The following LRBA variants were observed in gnomAD, a reference collection of about 807,000 sequenced individuals.
LRBA encodes the protein LPS responsive beige-like anchor protein.
Under a neutral mutation model 330.0 loss-of-function variants are expected in LRBA, and 176 were observed. The observed-to-expected ratio is 0.53, with a 90% CI of 0.47 to 0.60. LRBA has a LOEUF of 0.60. LRBA is among the 20% of genes least tolerant of loss of function. The pLI is 0.00. For missense variants in LRBA, 3,259 were observed against 3,444.8 expected, an observed-to-expected ratio of 0.95 and a Z score of 1.35; for synonymous variants, 1,230 against 1,193.0, an observed-to-expected ratio of 1.03 and a Z score of -0.64.
At position 150,346,298 on chromosome 4, in the gene LRBA, A is replaced by G. The variant is rs1736291702; in HGVS notation, c.7362+3694T>C. On this transcript the variant is annotated intron_variant, in intron 48 of 56. Transcript: ENST00000651943. ...ATATATATTATATATAAGTCTATAT[A>G]ATGTATAATATAAAAACAAATTAAG... is the stretch of plus-strand genomic sequence containing the variant. 2.0e-5 allele frequency among the ~76,000 whole-genome samples: 3 copies of G among 151,626 alleles called. No homozygotes were observed. The East Asian group carries it at 5.8e-4, about 29-fold the overall frequency.
At chr4:150,433,474 A>C (rs1443073501) in intron 46 of LRBA, among the ~76,000 whole-genome samples, 3 of 152,180 alleles carry the variant, frequency 2.0e-5, no homozygotes, top group African/African-American at 4.8e-5. Flanking sequence ...GAAGATACCT[A>C]CTATTGCTAT....
At chr4:150,490,129 G>A (rs1016720535) in intron 41 of LRBA, among the ~76,000 whole-genome samples, 1 of 151,660 alleles carries the variant, frequency 6.6e-6, no homozygotes, top group Non-Finnish European at 1.5e-5. Flanking sequence ...GATCAAACAG[G>A]AAGGGAAAAA....
chr4:150,461,607 A>G (rs1191382334), intron 44 of LRBA, among the ~76,000 whole-genome samples: 1 of 151,826 alleles, frequency 6.6e-6, no homozygotes, highest in Non-Finnish European at 1.5e-5. Flanking sequence ...TACCACACAC[A>G]AAACACTTAG....
intron 51 of LRBA, among the ~76,000 whole-genome samples, chr4:150,312,717 CTG>C (rs1731220105): frequency 6.6e-6 from 1 of 152,092 alleles, no homozygotes; most frequent in Non-Finnish European, 1.5e-5. Flanking sequence ...TAATGATAGA[CTG>C]TTAAAATTAT....
At chr4:150,863,399 C>T (rs1752219332) in intron 22 of LRBA, among the ~76,000 whole-genome samples, 1 of 152,112 alleles carries the variant, frequency 6.6e-6, no homozygotes, top group South Asian at 2.1e-4. Context: ...CGGTGGCTCA[C>T]CCCTGTAATC....
At chr4:150,844,600 A>T in intron 27 of LRBA, 58 bp downstream of exon 27, 1 of 1,473,336 alleles carries the variant, frequency 6.8e-7, no homozygotes, top group Non-Finnish European at 9.2e-7. Context: ...AACAAATAAA[A>T]ATCTTAATTG....
At chr4:150,932,010 G>C (rs1734558785) in intron 2 of LRBA, among the ~76,000 whole-genome samples, 1 of 152,124 alleles carries the variant, frequency 6.6e-6, no homozygotes, top group Non-Finnish European at 1.5e-5. Flanking sequence ...AGGACTTCAA[G>C]GCTACAGTGA....
At chr4:150,991,255 A>G (rs1742051444) in intron 2 of LRBA, among the ~76,000 whole-genome samples, 1 of 152,196 alleles carries the variant, frequency 6.6e-6, no homozygotes, top group South Asian at 2.1e-4. Flanking sequence ...CATTACTGGT[A>G]GGAATGCAGC....
chr4:150,331,666 A>G (rs1325051097), intron 48 of LRBA, among the ~76,000 whole-genome samples: 2 of 152,200 alleles, frequency 1.3e-5, no homozygotes, highest in African/African-American at 4.8e-5. Context: ...AAAGTATCTT[A>G]CAATGACCAA....
chr4:150,592,143 G>GGTTTTTTTTTTTTT (rs1772932129), intron 38 of LRBA, among the ~76,000 whole-genome samples: 1 of 56,674 alleles, frequency 1.8e-5, no homozygotes, highest in African/African-American at 5.1e-5. Context: ...GGATGGCTAG[G>GGTTTTTTTTTTTTT]GTTTTTTTTT....
chr4:150,361,965 G>T (rs1738766206), intron 47 of LRBA, among the ~76,000 whole-genome samples: 1 of 151,922 alleles, frequency 6.6e-6, no homozygotes, highest in East Asian at 1.9e-4. Context: ...GTAGAGACGG[G>T]GTTTCACCAT....
chr4:150,493,520 T>C (rs934602977), intron 40 of LRBA, among the ~76,000 whole-genome samples: 1 of 152,184 alleles, frequency 6.6e-6, no homozygotes, highest in Non-Finnish European at 1.5e-5. Context: ...TTGAAAATAG[T>C]TGAGAAAACA....
Position 150,908,871 on chromosome 4 carries a change from A to G in LRBA, c.1162-14T>C. On this transcript the variant is annotated splice_polypyrimidine_tract_variant and intron_variant, in intron 9 of 56. Coordinates refer to ENST00000651943, the MANE Select transcript of LRBA (RefSeq NM_001364905.1). ...TTTAAATGTACCCTAAGAATTAATT[A>G]AAAACAGTTAAATAGTATGCCACAA... 6.4e-7 allele frequency: 1 copy of G among 1,563,198 alleles called. No individual in the cohort carries two copies. The highest frequency in any genetic ancestry group is 1.4e-5 in the African/African-American group (1 of 73,870).
chr4:150,861,099 A>C (rs956827168), intron 22 of LRBA, among the ~76,000 whole-genome samples: 1 of 152,088 alleles, frequency 6.6e-6, no homozygotes, highest in Non-Finnish European at 1.5e-5. Context: ...TTAATGTTTT[A>C]ATTTTTGTTT....
intron 29 of LRBA, among the ~76,000 whole-genome samples, chr4:150,829,036 G>A (rs1373977526): frequency 3.3e-5 from 5 of 151,616 alleles, no homozygotes; most frequent in Non-Finnish European, 7.4e-5. Context: ...CTGGGCTCAG[G>A]CGATCCTCCC....
chr4:150,611,120 T>C (rs984588918), intron 37 of LRBA, among the ~76,000 whole-genome samples: 1 of 152,142 alleles, frequency 6.6e-6, no homozygotes, highest in East Asian at 1.9e-4. Flanking sequence ...CTGAACAATC[T>C]ATACGCAGAG....
intron 33 of LRBA, among the ~76,000 whole-genome samples, chr4:150,799,065 T>C (rs1034407989): frequency 6.6e-6 from 1 of 152,186 alleles, no homozygotes; most frequent in African/African-American, 2.4e-5. Context: ...TCTTTAGTTC[T>C]TTCTCCTTCC....
At chr4:150,789,213 G>T (rs1003808711) in intron 34 of LRBA, among the ~76,000 whole-genome samples, 2 of 152,044 alleles carry the variant, frequency 1.3e-5, no homozygotes, top group Non-Finnish European at 2.9e-5. Context: ...CCTGTACATA[G>T]TTGACCTCAA....
At chr4:150,469,609 G>A (rs1204210096) in intron 43 of LRBA, among the ~76,000 whole-genome samples, 1 of 152,056 alleles carries the variant, frequency 6.6e-6, no homozygotes, top group Non-Finnish European at 1.5e-5. Context: ...CATAACCATT[G>A]ACATTTTCTT....
Sources: allele counts gnomAD v4.1 joint callset (sites outside exome capture counted in the v4.1 genomes callset), GRCh38; gene constraint gnomAD v4.1.1; transcripts MANE v1.5; gene names NCBI Gene and HGNC (gene_info 2026-07-23, HGNC 2026-07-21).